Variants in IDE observed in about 807,000 individuals in gnomAD.
The protein encoded by IDE is insulin-degrading enzyme.
Under a neutral mutation model 133.2 loss-of-function variants are expected in IDE, and 58 were observed. The ratio of observed to expected loss-of-function variants is 0.44; its 90% CI spans 0.35 to 0.54. The LOEUF (loss-of-function observed/expected upper bound fraction) is 0.54. IDE is among the 20% of genes least tolerant of loss of function. The pLI is 0.00. For synonymous variants in IDE, 396 were observed against 421.3 expected, an observed-to-expected ratio of 0.94 and a Z score of 0.73; for missense variants, 981 against 1,234.0, an observed-to-expected ratio of 0.79 and a Z score of 3.07.
At chr10:92,544,971 T>A (rs1842476502) in intron 1 of IDE, among the ~76,000 whole-genome samples, 1 of 152,188 alleles carries the variant, frequency 6.6e-6, no homozygotes, top group African/African-American at 2.4e-5. Flanking sequence ...TTAAACCATA[T>A]AATCAGAAAA....
chr10:92,469,768 A>G (rs1391130282), intron 18 of IDE, among the ~76,000 whole-genome samples: 1 of 152,174 alleles, frequency 6.6e-6, no homozygotes, highest in African/African-American at 2.4e-5. Context: ...AGTGCTTTCC[A>G]TGTGCTAAGT....
intron 1 of IDE, among the ~76,000 whole-genome samples, chr10:92,558,449 A>T (rs1292602288): frequency 6.6e-6 from 1 of 152,248 alleles, no homozygotes; most frequent in Non-Finnish European, 1.5e-5. Flanking sequence ...CCAGTTTTTT[A>T]AAAAGACAAA....
intron 9 of IDE, among the ~76,000 whole-genome samples, chr10:92,506,814 GA>G (rs1297971351): frequency 1.3e-5 from 2 of 152,080 alleles, no homozygotes; most frequent in Non-Finnish European, 2.9e-5. Flanking sequence ...CTAAGTTGTT[GA>G]AACTAATAGC....
chr10:92,531,697 T>C (rs527252771), intron 4 of IDE, 51 bp downstream of exon 4: 68 of 969,806 alleles, frequency 7.0e-5, no homozygotes, highest in Admixed American at 6.7e-4. Flanking sequence ...TATAATACTA[T>C]GCAGTGGCCA....
intron 1 of IDE, among the ~76,000 whole-genome samples, chr10:92,565,420 AAAAAAG>A (rs369685493): frequency 1.3e-5 from 2 of 151,452 alleles, no homozygotes; most frequent in African/African-American, 4.8e-5. Context: ...AAAAAAAAAA[AAAAAAG>A]AAAAGAAAGA....
chr10:92,557,993 T>G (rs975252375), intron 1 of IDE, among the ~76,000 whole-genome samples: 12 of 151,512 alleles, frequency 7.9e-5, no homozygotes, highest in Admixed American at 2.0e-4. Context: ...CCTCACACCA[T>G]ACATAAAAAC....
chr10:92,570,564 T>C (rs927019740), intron 1 of IDE, among the ~76,000 whole-genome samples: 1 of 152,050 alleles, frequency 6.6e-6, no homozygotes, highest in African/African-American at 2.4e-5. Context: ...CCTGATCCTC[T>C]GGCTACATGT....
intron 4 of IDE, among the ~76,000 whole-genome samples, chr10:92,529,056 G>A (rs1849777357): frequency 1.3e-5 from 2 of 151,910 alleles, no homozygotes; most frequent in African/African-American, 2.4e-5. Flanking sequence ...CAGCCTGGAC[G>A]ACAGAGCAAG....
intron 17 of IDE, among the ~76,000 whole-genome samples, chr10:92,470,687 T>C (rs1485605239): frequency 6.6e-6 from 1 of 152,210 alleles, no homozygotes; most frequent in Non-Finnish European, 1.5e-5. Flanking sequence ...ATATATTTCA[T>C]GATCTTAAGA....
chr10:92,497,578 A>T, intron 11 of IDE: 1 of 220,366 alleles, frequency 4.5e-6, no homozygotes, highest in Non-Finnish European at 7.7e-6. Flanking sequence ...ATGGCCTCTA[A>T]GGTTCCTTTC....
At chr10:92,554,014 G>T (rs1372727831) in intron 1 of IDE, among the ~76,000 whole-genome samples, 2 of 151,964 alleles carry the variant, frequency 1.3e-5, no homozygotes, top group Non-Finnish European at 2.9e-5. Context: ...ACTACACAAA[G>T]ACACATCAAA....
rs190448980 is a variant in IDE at position 92,500,127 on chromosome 10, G to A, written c.1430+4667C>T. Among the ~76,000 whole-genome samples, 750 of 152,024 alleles carry A rather than the reference G, an allele frequency of 4.9e-3. 8 individuals carry two copies. The highest frequency in any genetic ancestry group is 0.017 in the African/African-American group (712 of 41,478). ...AGCCTGACCAACATGGAGAAACCCCGTCTCTATTAAAAATACAAAATTAGC... is the reference window on the plus strand; with the variant it reads ...AGCCTGACCAACATGGAGAAACCCCATCTCTATTAAAAATACAAAATTAGC... On this transcript the variant is annotated intron_variant, in intron 11 of 24. Coordinates refer to ENST00000265986, the MANE Select transcript of IDE (RefSeq NM_004969.4).
chr10:92,477,528 T>C (rs1297725229), intron 15 of IDE, among the ~76,000 whole-genome samples: 1 of 152,328 alleles, frequency 6.6e-6, no homozygotes, highest in Middle Eastern at 3.4e-3. Context: ...ATTTCTATCA[T>C]GATATTTCCA....
intron 4 of IDE, among the ~76,000 whole-genome samples, chr10:92,527,566 T>C (rs932034643): frequency 1.3e-5 from 2 of 152,262 alleles, no homozygotes; most frequent in African/African-American, 2.4e-5. Context: ...TAACCATCCA[T>C]GTGCATGATA....
chr10:92,534,542 A>G (rs377203928), intron 3 of IDE, 36 bp downstream of exon 3: 4 of 1,187,532 alleles, frequency 3.4e-6, no homozygotes, highest in Non-Finnish European at 5.0e-6. Context: ...TGATAAGTAC[A>G]CAAAGTTGGA....
chr10:92,508,638 G>T, intron 7 of IDE, 90 bp downstream of exon 7: 1 of 1,199,502 alleles, frequency 8.3e-7, no homozygotes, highest in Non-Finnish European at 1.2e-6. Context: ...ATCTAACAAT[G>T]TTCCTTCATA....
At chr10:92,573,491 C>T (rs1292944353) in intron 1 of IDE, among the ~76,000 whole-genome samples, 1 of 152,228 alleles carries the variant, frequency 6.6e-6, no homozygotes, top group African/African-American at 2.4e-5. Context: ...AGGTGAGAAG[C>T]GGTCCCCCCG....
intron 4 of IDE, among the ~76,000 whole-genome samples, chr10:92,525,979 A>T (rs868749727): frequency 3.0e-4 from 45 of 151,936 alleles, no homozygotes; most frequent in African/African-American, 9.9e-4. Context: ...CAACATGCGA[A>T]ACTTCATCTC....
rs1180754644 is a variant in IDE at position 92,515,060 on chromosome 10, G to A, written c.662-18C>T. 1.3e-6 allele frequency: 2 copies of A among 1,565,092 alleles called. No homozygotes were observed. Among genetic ancestry groups the A allele is most frequent in the Non-Finnish European group, 1.7e-6 (2 of 1,156,850 alleles). On this transcript the variant is annotated intron_variant, in intron 4 of 24. Transcript: ENST00000265986. ...TTTGTTACCTGGAAGGGAAGAAAAG[G>A]GATTTCTTAGAAAAAGCAAAATATG...
Sources: gnomAD v4.1 joint callset for allele counts (sites outside exome capture counted in the v4.1 genomes callset) on GRCh38, gnomAD v4.1.1 for gene constraint, MANE v1.5 for transcripts, NCBI Gene and HGNC (gene_info 2026-07-23, HGNC 2026-07-21) for gene names.